ZBTB8A: variants seen among roughly 807,000 people sequenced by gnomAD.
The protein encoded by ZBTB8A is zinc finger and BTB domain containing 8A, also known as zinc finger and BTB domain-containing protein 8A.
ZBTB8A carries 19 observed loss-of-function variants against 37.8 expected under a neutral mutation model. That is an observed-to-expected ratio of 0.50 (90% CI 0.35 to 0.74). The LOEUF (loss-of-function observed/expected upper bound fraction) is 0.74, where lower values mean the gene tolerates loss of function less well. ZBTB8A is among the 30% of genes least tolerant of loss of function. The pLI is 0.01. For missense variants in ZBTB8A, 394 were observed against 537.8 expected (o/e 0.73, Z 2.65); for synonymous variants, 181 against 185.2 (o/e 0.98, Z 0.19).
chr1:32,540,062 T>G (rs1488531625), intron 1 of ZBTB8A, among the ~76,000 whole-genome samples: 1 of 151,862 alleles, frequency 6.6e-6, no homozygotes, highest in Non-Finnish European at 1.5e-5. Context: ...AGCCCGAGTT[T>G]CTCGGTGCAG....
intron 2 of ZBTB8A, among the ~76,000 whole-genome samples, chr1:32,580,552 A>G (rs1644395674): frequency 6.7e-6 from 1 of 149,550 alleles, no homozygotes; most frequent in African/African-American, 2.5e-5. Flanking sequence ...TTCTGTCTGA[A>G]AAAAAAAAAA....
At chr1:32,591,824 T>A (rs1644492194) in intron 2 of ZBTB8A, among the ~76,000 whole-genome samples, 1 of 151,954 alleles carries the variant, frequency 6.6e-6, no homozygotes, top group South Asian at 2.1e-4. Flanking sequence ...AACGGTCTAG[T>A]TGTTTTTTTG....
chr1:32,563,528 T>C (rs1644258830), intron 2 of ZBTB8A, among the ~76,000 whole-genome samples: 1 of 152,148 alleles, frequency 6.6e-6, no homozygotes, highest in South Asian at 2.1e-4. Context: ...AATGATGTGA[T>C]CTCAGCTCAG....
At chr1:32,568,656 G>T (rs1183920151) in intron 2 of ZBTB8A, among the ~76,000 whole-genome samples, 1 of 152,156 alleles carries the variant, frequency 6.6e-6, no homozygotes, top group Non-Finnish European at 1.5e-5. Flanking sequence ...AAAGTGCTGG[G>T]ATTACAGGCG....
intron 2 of ZBTB8A, among the ~76,000 whole-genome samples, chr1:32,586,241 C>A (rs75136880): frequency 6.6e-6 from 1 of 152,040 alleles, no homozygotes; most frequent in Non-Finnish European, 1.5e-5. Flanking sequence ...ATTGCTTGAA[C>A]CCGGGAGGCA....
chr1:32,593,519 C>G lies in ZBTB8A; in HGVS notation c.588C>G (p.Pro196=), dbSNP rs773705320. ...HPASQKNTQQ[P]LAKHEPRKES... ...CCTCCCAGAAGAATACTCAACAACC[C>G]TTGGCCAAGCATGAACCAAGGAAAG... Residue 196 remains proline, a synonymous_variant, in exon 3 of 5, where the codon CCC becomes CCG. Coordinates refer to ENST00000373510, the MANE Select transcript of ZBTB8A (RefSeq NM_001040441.3). 1 of 1,614,154 alleles carries G rather than the reference C, an allele frequency of 6.2e-7. No individual in the cohort carries two copies. Among genetic ancestry groups the G allele is most frequent in the Non-Finnish European group, 8.5e-7 (1 of 1,180,036 alleles).
Position 32,595,258 on chromosome 1 carries a change from C to CTTTTTTGGTTTTTGTTTTTGT in ZBTB8A, c.993+43_993+63dup, listed in dbSNP as rs1557718277. 1.9e-6 allele frequency: 3 copies of CTTTTTTGGTTTTTGTTTTTGT among 1,598,610 alleles called. No homozygotes were observed. The Admixed American group carries it at 5.3e-5, about 28-fold the overall frequency. ...ATTTTTTTTCATCGTTTTACTAATT[C>CTTTTTTGGTTTTTGTTTTTGT]TTTTTTGGTTTTTGTTTTTGTTTTT... On this transcript the variant is annotated intron_variant, in intron 4 of 4. Coordinates refer to ENST00000373510, the MANE Select transcript of ZBTB8A (RefSeq NM_001040441.3).
rs772234249 is a variant in ZBTB8A, at chr1:32,593,096, G to A, written c.165G>A (p.Gln55=). The A allele has an allele frequency of 1.2e-6, 2 of 1,614,158 alleles. No homozygotes were observed. The highest frequency in any genetic ancestry group is 4.5e-5 in the East Asian group (2 of 44,876). Residue 55 remains glutamine (Q), a synonymous_variant, in exon 3 of 5, where the codon CAG becomes CAA. Transcript: ENST00000373510. ...SSGYFKMLLS[Q]NSKETSQPTT... is the part of the protein sequence containing the mutation. Reference sequence around the variant, plus strand: ...GCTACTTTAAAATGCTTCTTTCTCAGAATTCAAAGGAGACGAGTCAGCCAA... The same window carrying A: ...GCTACTTTAAAATGCTTCTTTCTCAAAATTCAAAGGAGACGAGTCAGCCAA...
At chr1:32,542,009 C>G (rs1172044874) in intron 1 of ZBTB8A, among the ~76,000 whole-genome samples, 2 of 152,164 alleles carry the variant, frequency 1.3e-5, no homozygotes, top group Non-Finnish European at 2.9e-5. Context: ...GCATTTTAAA[C>G]TTACAATGTT....
rs1644570767 is a variant in ZBTB8A, at chr1:32,600,894, A to C, written c.*475A>C. 6.4e-6 allele frequency: 1 copy of C among 155,500 alleles called. No individual in the cohort carries two copies. The highest frequency in any genetic ancestry group is 1.4e-5 in the Non-Finnish European group (1 of 70,228). The allele number at this position is 155,500 out of a possible 1,614,324, so 9.6% of individuals were successfully genotyped here. On this transcript the variant is annotated 3_prime_UTR_variant, in exon 5 of 5. Coordinates refer to ENST00000373510, the MANE Select transcript of ZBTB8A (RefSeq NM_001040441.3). ...ATTTAAGGATCTGGCAACCCACCTTACTAAACAAATTAGTCTTTCTATTAA... is the reference window on the plus strand; with the variant it reads ...ATTTAAGGATCTGGCAACCCACCTTCCTAAACAAATTAGTCTTTCTATTAA...
At chr1:32,572,164 C>A (rs1021037279) in intron 2 of ZBTB8A, among the ~76,000 whole-genome samples, 10 of 152,050 alleles carry the variant, frequency 6.6e-5, no homozygotes. Context: ...GTAATACTGG[C>A]CTCATAAAAT....
intron 2 of ZBTB8A, among the ~76,000 whole-genome samples, chr1:32,566,979 A>G (rs906970012): frequency 2.0e-5 from 3 of 152,204 alleles, no homozygotes; most frequent in Non-Finnish European, 4.4e-5. Context: ...TGGAGGTCAA[A>G]GTATTTAACT....
At chr1:32,595,560 G>A (rs1375148924) in intron 4 of ZBTB8A, among the ~76,000 whole-genome samples, 10 of 147,896 alleles carry the variant, frequency 6.8e-5, no homozygotes, top group Non-Finnish European at 1.2e-4. Context: ...GAGCCACCAC[G>A]CCCGGCCTTG....
intron 1 of ZBTB8A, among the ~76,000 whole-genome samples, chr1:32,547,626 C>CAA (rs745418265): frequency 0.023 from 2,297 of 98,732 alleles, 40 homozygotes; most frequent in Middle Eastern, 0.062. Context: ...GTCTGTATCT[C>CAA]AAAAAAAAAA....
At chr1:32,548,859 T>C (rs1199944453) in intron 1 of ZBTB8A, among the ~76,000 whole-genome samples, 2 of 152,170 alleles carry the variant, frequency 1.3e-5, no homozygotes, top group African/African-American at 2.4e-5. Flanking sequence ...GGTATTATTA[T>C]TGTCCCTGTA....
At chr1:32,546,926 G>A (rs932795713) in intron 1 of ZBTB8A, among the ~76,000 whole-genome samples, 1 of 152,008 alleles carries the variant, frequency 6.6e-6, no homozygotes, top group African/African-American at 2.4e-5. Flanking sequence ...TTTTGAGACA[G>A]GGTCTTGCCC....
intron 2 of ZBTB8A, among the ~76,000 whole-genome samples, chr1:32,589,740 C>T (rs1191328464): frequency 8.7e-5 from 13 of 149,796 alleles, no homozygotes; most frequent in South Asian, 2.1e-4. Context: ...TTAGTAGAGA[C>T]GGGGTTTCAC....
chr1:32,561,035 A>C (rs566891580), intron 2 of ZBTB8A, among the ~76,000 whole-genome samples: 1 of 151,850 alleles, frequency 6.6e-6, no homozygotes, highest in Admixed American at 6.6e-5. Flanking sequence ...CAAATACTAA[A>C]TCGCCTCTCT....
At chr1:32,568,872 C>A (rs973253335) in intron 2 of ZBTB8A, among the ~76,000 whole-genome samples, 3 of 152,192 alleles carry the variant, frequency 2.0e-5, no homozygotes, top group African/African-American at 7.2e-5. Context: ...TATTCACCAG[C>A]AGACGCACAT....
Sources: allele counts gnomAD v4.1 joint callset (sites outside exome capture counted in the v4.1 genomes callset), GRCh38; gene constraint gnomAD v4.1.1; transcripts MANE v1.5; gene names NCBI Gene and HGNC (gene_info 2026-07-23, HGNC 2026-07-21).